Variants in WWC1 observed in about 807,000 individuals in gnomAD.
WWC1 encodes the protein WW and C2 domain containing 1.
A neutral mutation model predicts 138.4 loss-of-function variants in WWC1; 55 were observed. That is an observed-to-expected ratio of 0.40 (90% confidence interval 0.32 to 0.50). The LOEUF (loss-of-function observed/expected upper bound fraction) is 0.50. Ranked by LOEUF, WWC1 falls within the 20% of genes least tolerant of loss-of-function variation. The pLI, the probability that WWC1 is intolerant of heterozygous loss-of-function variation, is 0.72. For missense variants in WWC1, 1,226 were observed against 1,420.4 expected (o/e 0.86, Z 2.20); for synonymous variants, 524 against 564.9 (o/e 0.93, Z 1.03).
chr5:168,293,945 G>C (rs1291908273), intron 1 of WWC1, among the ~76,000 whole-genome samples: 1 of 152,178 alleles, frequency 6.6e-6, no homozygotes, highest in East Asian at 1.9e-4. Flanking sequence ...CTCTGCTACT[G>C]TGTTGGTGAA....
chr5:168,346,757 G>A (rs572256384), intron 1 of WWC1, among the ~76,000 whole-genome samples: 62 of 152,268 alleles, frequency 4.1e-4, no homozygotes, highest in African/African-American at 1.4e-3. Context: ...AGTTGGTGGT[G>A]GCTTAGAAAT....
Position 168,423,576 on chromosome 5 carries a change from G to A in WWC1, c.1318G>A (p.Gly440Arg), listed in dbSNP as rs374122604. 4.3e-6 allele frequency: 7 copies of A among 1,613,780 alleles called. No homozygotes were observed. Among genetic ancestry groups the A allele is most frequent in the Admixed American group, 3.3e-5 (2 of 59,986 alleles). ...MQSLSSGSSP[G>R]SLTSSRGSLV... is the part of the protein sequence containing the mutation. ...GTCCCTGTCCTCAGGCAGCAGCCCCGGATCCCTCACGTCCAGCCGGGGCTC... is the reference window on the plus strand; with the variant it reads ...GTCCCTGTCCTCAGGCAGCAGCCCCAGATCCCTCACGTCCAGCCGGGGCTC... Residue 440 changes from glycine to arginine, a missense_variant, in exon 11 of 23, where the codon GGA becomes AGA. Coordinates refer to ENST00000265293, the MANE Select transcript of WWC1 (RefSeq NM_015238.3).
chr5:168,383,093 C>T (rs1259486142), intron 2 of WWC1, among the ~76,000 whole-genome samples: 1 of 151,452 alleles, frequency 6.6e-6, no homozygotes, highest in African/African-American at 2.4e-5. Context: ...GGGATAATTA[C>T]TGGAACCCAG....
chr5:168,397,008 A>T (rs1778953893), intron 3 of WWC1, among the ~76,000 whole-genome samples: 1 of 152,288 alleles, frequency 6.6e-6, no homozygotes, highest in African/African-American at 2.4e-5. Flanking sequence ...AAAAGAAAAG[A>T]TAAAAATATA....
At chr5:168,398,591 AT>A (rs1282968471) in intron 4 of WWC1, among the ~76,000 whole-genome samples, 5 of 152,190 alleles carry the variant, frequency 3.3e-5, no homozygotes, top group Non-Finnish European at 7.4e-5. Context: ...TAGTATTTCC[AT>A]TTTACCAGTA....
At chr5:168,463,436 A>G (rs1756988841) in intron 20 of WWC1, among the ~76,000 whole-genome samples, 1 of 152,208 alleles carries the variant, frequency 6.6e-6, no homozygotes, top group Non-Finnish European at 1.5e-5. Context: ...GGTCTCTACA[A>G]CATGCTTTAT....
At chr5:168,447,375 G>A (rs552506250) in intron 17 of WWC1, among the ~76,000 whole-genome samples, 3 of 152,270 alleles carry the variant, frequency 2.0e-5, no homozygotes, top group East Asian at 1.9e-4. Flanking sequence ...CTTGTGAGTC[G>A]TAAGAATTCT....
intron 11 of WWC1, among the ~76,000 whole-genome samples, chr5:168,427,045 G>C (rs1781558011): frequency 6.6e-6 from 1 of 152,226 alleles, no homozygotes; most frequent in Non-Finnish European, 1.5e-5. Context: ...TTAGGGAAGA[G>C]GAGGAGCTGA....
intron 22 of WWC1, among the ~76,000 whole-genome samples, 168 bp downstream of exon 22, chr5:168,468,132 C>T (rs1166674518): frequency 1.3e-5 from 2 of 152,276 alleles, no homozygotes; most frequent in East Asian, 1.9e-4. Flanking sequence ...ATGAGCTCTG[C>T]AGCGCTCTTC....
rs74362906 is a variant in WWC1 at position 168,342,572 on chromosome 5, G to A, written c.120-28852G>A. ...TCGTGGAGGCCCTGAAGGCTTTGTA[G>A]GATCTAGAAAGGCAGAAACAGATGT... On this transcript the variant is annotated intron_variant, in intron 1 of 22. Coordinates refer to ENST00000265293, the MANE Select transcript of WWC1 (RefSeq NM_015238.3). Among the ~76,000 whole-genome samples, 332 of 152,294 alleles carry A rather than the reference G, an allele frequency of 2.2e-3. 2 individuals carry two copies. The highest frequency in any genetic ancestry group is 7.4e-3 in the African/African-American group (308 of 41,552).
At chr5:168,295,473 A>C (rs1436127718) in intron 1 of WWC1, among the ~76,000 whole-genome samples, 1 of 125,124 alleles carries the variant, frequency 8.0e-6, no homozygotes, top group Non-Finnish European at 1.6e-5. Flanking sequence ...TGCACTAAAA[A>C]TTTCTACTCC....
In WWC1 at chr5:168,292,391, C is replaced by T. The variant is rs6873297; in HGVS notation, c.119+120C>T. ...GAGCTCTGCGTGCCTCTTGAGCTCT[C>T]TTCAGTTCGCCACCCCCTGCTCCCC... On this transcript the variant is annotated intron_variant, in intron 1 of 22. Transcript: ENST00000265293. The surrounding 1 kb of genome is among the most constrained non-coding windows in gnomAD (Gnocchi z 4.4). 8.3e-7 allele frequency: 1 copy of T among 1,199,910 alleles called. No homozygotes were observed. Among genetic ancestry groups the T allele is most frequent in the Non-Finnish European group, 1.1e-6 (1 of 870,788 alleles). The allele number at this position is 1,199,910 out of a possible 1,614,324, so 74.3% of individuals were successfully genotyped here. A position where few individuals can be genotyped will look rare whatever the true frequency, so the allele number is the denominator to read the frequency against.
At chr5:168,415,121 A>G (rs980577337) in intron 9 of WWC1, 1 of 159,426 alleles carries the variant, frequency 6.3e-6, no homozygotes, top group Non-Finnish European at 1.4e-5. Flanking sequence ...AGGGGTTGCA[A>G]ACTGGCATGC....
At chr5:168,410,106 A>T in intron 8 of WWC1, 111 bp downstream of exon 8, 1 of 1,047,228 alleles carries the variant, frequency 9.5e-7, no homozygotes, top group East Asian at 2.4e-5. Flanking sequence ...TAATCCTCAC[A>T]AAGATTATGA....
At chr5:168,463,779 G>T (rs1757016005) in intron 20 of WWC1, among the ~76,000 whole-genome samples, 1 of 152,080 alleles carries the variant, frequency 6.6e-6, no homozygotes, top group South Asian at 2.1e-4. Context: ...CTACCTTCAG[G>T]CATGGCTTGA....
intron 15 of WWC1, among the ~76,000 whole-genome samples, chr5:168,440,816 C>T (rs1754680724): frequency 6.6e-6 from 1 of 152,174 alleles, no homozygotes; most frequent in Non-Finnish European, 1.5e-5. Context: ...CGCGCCCGGC[C>T]TGAAAGCAGG....
chr5:168,384,427 T>C (rs1176815179), intron 2 of WWC1, among the ~76,000 whole-genome samples: 2 of 152,208 alleles, frequency 1.3e-5, no homozygotes, highest in East Asian at 1.9e-4. Flanking sequence ...GGGAGAATTA[T>C]TGGTCAAAGG....
Position 168,292,244 on chromosome 5 carries a change from C to T in WWC1, c.92C>T (p.Thr31Ile), listed in dbSNP as rs775194583. ...KVYYIDHTNR[T>I]TSWIDPRDRY... ...TACTACATAGACCACACGAACCGCA[C>T]CACCAGCTGGATCGACCCGCGGGAC... is the stretch of plus-strand genomic sequence containing the variant. Residue 31 changes from threonine (T) to isoleucine (I), a missense_variant, in exon 1 of 23, where the codon ACC becomes ATC. Physicochemically the swap from Thr to Ile is moderately conservative, Grantham distance 89 (BLOSUM62 -1). Coordinates refer to ENST00000265293, the MANE Select transcript of WWC1 (RefSeq NM_015238.3). This position sits in a 1 kb window ranked among gnomAD's most constrained non-coding sequence, Gnocchi z 4.4. The T allele has an allele frequency of 3.8e-6, 6 of 1,598,702 alleles. No homozygotes were observed. In the South Asian group the frequency reaches 6.8e-5, roughly 18 times the overall value.
chr5:168,316,315 A>G (rs936623266), intron 1 of WWC1, among the ~76,000 whole-genome samples: 3 of 152,244 alleles, frequency 2.0e-5, no homozygotes, highest in Admixed American at 6.5e-5. Context: ...GACATTGTCC[A>G]TCACCTGGCT....
Sources: gnomAD v4.1 joint callset for allele counts (sites outside exome capture counted in the v4.1 genomes callset) on GRCh38, gnomAD v4.1.1 for gene constraint, Gnocchi (gnomAD v3.1) non-coding constraint, MANE v1.5 for transcripts, NCBI Gene and HGNC (gene_info 2026-07-23, HGNC 2026-07-21) for gene names.